The following MAGI2 variants were observed in gnomAD, a reference collection of about 807,000 sequenced individuals.
MAGI2 encodes membrane-associated guanylate kinase, WW and PDZ domain-containing protein 2.
A neutral mutation model predicts 133.3 loss-of-function variants in MAGI2; 35 were observed. That is an observed-to-expected ratio of 0.26 (90% confidence interval 0.20 to 0.35). The LOEUF is 0.35. Among genes scored for constraint, MAGI2 ranks in the 10% least tolerant of loss-of-function variants. The pLI, the probability that MAGI2 is intolerant of heterozygous loss-of-function variation, is 1.00. For synonymous variants in MAGI2, 729 were observed against 710.6 expected, an observed-to-expected ratio of 1.03 and a Z score of -0.41; for missense variants, 1,636 against 1,863.4, an observed-to-expected ratio of 0.88 and a Z score of 2.25.
In MAGI2 at chr7:78,722,278, A is replaced by G. The variant is rs575712528; in HGVS notation, c.419-95039T>C. 1.6e-4 allele frequency among the ~76,000 whole-genome samples: 24 copies of G among 152,114 alleles called. No individual in the cohort carries two copies. The South Asian group carries it at 4.8e-3, about 30-fold the overall frequency. On this transcript the variant is annotated intron_variant, in intron 2 of 21. Coordinates refer to ENST00000354212, the MANE Select transcript of MAGI2 (RefSeq NM_012301.4). ...AAACTAATATCCACCAGTAAAACTAAAATTTGAACTGTGAGAAGGCGATAT... is the reference window on the plus strand; with the variant it reads ...AAACTAATATCCACCAGTAAAACTAGAATTTGAACTGTGAGAAGGCGATAT...
chr7:78,385,884 G>A (rs1320437572), intron 6 of MAGI2, among the ~76,000 whole-genome samples: 9 of 152,102 alleles, frequency 5.9e-5, no homozygotes, highest in Admixed American at 4.6e-4. Flanking sequence ...ATTGTAGTGG[G>A]ATCTGTTTTC....
chr7:78,769,659 C>G (rs1364300366), intron 2 of MAGI2, among the ~76,000 whole-genome samples: 1 of 152,130 alleles, frequency 6.6e-6, no homozygotes, highest in African/African-American at 2.4e-5. Context: ...AGATATGGAG[C>G]CATTTTTCAC....
intron 2 of MAGI2, among the ~76,000 whole-genome samples, chr7:79,001,009 C>T (rs980546768): frequency 7.2e-5 from 11 of 152,116 alleles, no homozygotes; most frequent in Admixed American, 3.3e-4. Context: ...CTCCGCCTCC[C>T]GGGTTCAAGC....
intron 1 of MAGI2, among the ~76,000 whole-genome samples, chr7:79,103,097 A>C (rs555402553): frequency 6.6e-6 from 1 of 152,206 alleles, no homozygotes; most frequent in Non-Finnish European, 1.5e-5. Flanking sequence ...CTTACAATCA[A>C]GCTCTTAAAC....
intron 3 of MAGI2, among the ~76,000 whole-genome samples, chr7:78,589,469 C>G (rs1032591387): frequency 6.6e-6 from 1 of 152,196 alleles, no homozygotes; most frequent in Non-Finnish European, 1.5e-5. Flanking sequence ...TATTTCCTCT[C>G]AAACAACTGC....
At chr7:79,228,443 C>T (rs1383725407) in intron 1 of MAGI2, among the ~76,000 whole-genome samples, 1 of 148,154 alleles carries the variant, frequency 6.7e-6, no homozygotes, top group African/African-American at 2.5e-5. Context: ...TGAGAGTACC[C>T]CTTTAAAAAT....
chr7:78,134,762 G>A lies in MAGI2; in HGVS notation c.3031+259C>T, dbSNP rs11975124. The A allele has an allele frequency of 0.28, 96,133 of 347,606 alleles. 13,779 individuals carry two copies. The highest frequency in any genetic ancestry group is 0.33 in the African/African-American group (15,884 of 48,278). 21.5% of individuals were successfully genotyped at this position (347,606 alleles called of 1,614,324 possible). On this transcript the variant is annotated intron_variant, in intron 17 of 21. Coordinates refer to ENST00000354212, the MANE Select transcript of MAGI2 (RefSeq NM_012301.4). ...ACAGGGAATGATTGAATAACCTGGC[G>A]TCTTGGAATTCACACTATTTAGCCT...
At chr7:79,091,544 C>T (rs7794889) in intron 1 of MAGI2, among the ~76,000 whole-genome samples, 117,936 of 152,072 alleles carry the variant, frequency 0.78, 46,733 homozygotes, top group Non-Finnish European at 0.86. Flanking sequence ...TTAAAAGATA[C>T]TAGATTTAAT....
In MAGI2 at chr7:78,020,080, G is replaced by T; in HGVS notation, c.3707-104C>A. On this transcript the variant is annotated intron_variant, in intron 21 of 21. Coordinates refer to ENST00000354212, the MANE Select transcript of MAGI2 (RefSeq NM_012301.4). ...AGGCAGCTGGGGCGATTGCTCTCAG[G>T]GGCCGGAGCCACCGCCGCCCCCACC... is the stretch of plus-strand genomic sequence containing the variant. The T allele has an allele frequency of 2.8e-6, 3 of 1,056,856 alleles. No individual in the cohort carries two copies. The East Asian group carries it at 9.0e-5, about 32-fold the overall frequency. The allele number at this position is 1,056,856 out of a possible 1,614,324, so 65.5% of individuals were successfully genotyped here.
chr7:79,217,759 A>T (rs1312921467), intron 1 of MAGI2, among the ~76,000 whole-genome samples: 1 of 152,038 alleles, frequency 6.6e-6, no homozygotes, highest in Non-Finnish European at 1.5e-5. Flanking sequence ...AATGGGGATG[A>T]TGATTCCCAC....
At chr7:78,265,851 C>G (rs1386339294) in intron 9 of MAGI2, among the ~76,000 whole-genome samples, 2 of 152,230 alleles carry the variant, frequency 1.3e-5, no homozygotes, top group African/African-American at 4.8e-5. Context: ...ATGGCATGAC[C>G]TGTCGCCATC....
chr7:79,407,668 T>C (rs976058435), intron 1 of MAGI2, among the ~76,000 whole-genome samples: 2 of 152,140 alleles, frequency 1.3e-5, no homozygotes, highest in Non-Finnish European at 2.9e-5. Flanking sequence ...AATCAAAACT[T>C]AGTTTTGTTA....
intron 6 of MAGI2, among the ~76,000 whole-genome samples, chr7:78,386,785 G>A (rs561758562): frequency 6.6e-6 from 1 of 152,152 alleles, no homozygotes; most frequent in South Asian, 2.1e-4. Flanking sequence ...CTATTCAACA[G>A]CACTGGTACC....
intron 3 of MAGI2, among the ~76,000 whole-genome samples, chr7:78,534,587 T>C (rs1021698186): frequency 7.9e-5 from 12 of 152,226 alleles, no homozygotes; most frequent in Non-Finnish European, 1.3e-4. Flanking sequence ...ACCCAAGACA[T>C]AGTCTCTACT....
chr7:78,925,473 C>T (rs1001573837), intron 2 of MAGI2, among the ~76,000 whole-genome samples: 7 of 151,878 alleles, frequency 4.6e-5, no homozygotes, highest in Non-Finnish European at 8.8e-5. Context: ...CTTGCTATTC[C>T]CCTTCTTATA....
intron 2 of MAGI2, among the ~76,000 whole-genome samples, chr7:78,851,783 A>G (rs1393114506): frequency 6.6e-6 from 1 of 152,160 alleles, no homozygotes; most frequent in Non-Finnish European, 1.5e-5. Flanking sequence ...ATATGGTTAT[A>G]GAATCTGTTA....
At chr7:79,299,650 T>C (rs1837232367) in intron 1 of MAGI2, among the ~76,000 whole-genome samples, 1 of 147,092 alleles carries the variant, frequency 6.8e-6, no homozygotes, top group African/African-American at 2.5e-5. Flanking sequence ...GTTGGCAAAA[T>C]AGGTTCAAAA....
chr7:79,241,718 C>A (rs1021760288), intron 1 of MAGI2, among the ~76,000 whole-genome samples: 3 of 152,044 alleles, frequency 2.0e-5, no homozygotes, highest in African/African-American at 7.2e-5. Context: ...TTTACTGCAC[C>A]AGAAGTCACA....
chr7:78,243,630 A>C (rs1007026014), intron 10 of MAGI2, among the ~76,000 whole-genome samples: 2 of 152,198 alleles, frequency 1.3e-5, no homozygotes, highest in Non-Finnish European at 2.9e-5. Flanking sequence ...ATGTAAAAAA[A>C]AGATGTGTAT....
Sources: allele counts gnomAD v4.1 joint callset (sites outside exome capture counted in the v4.1 genomes callset), GRCh38; gene constraint gnomAD v4.1.1; transcripts MANE v1.5; gene names NCBI Gene and HGNC (gene_info 2026-07-23, HGNC 2026-07-21).